Variants in KIF17 observed in about 807,000 individuals in gnomAD.
KIF17 encodes the protein kinesin-like protein KIF17.
In KIF17, 80 loss-of-function variants were observed where a neutral mutation model predicts 96.8. That is an observed-to-expected ratio of 0.83 (90% CI 0.69 to 1.00). The LOEUF is 1.00. Among genes scored for constraint, KIF17 ranks in the 50% least tolerant of loss-of-function variants. The pLI is 0.00. For missense variants in KIF17, 1,280 were observed against 1,372.9 expected, an observed-to-expected ratio of 0.93 and a Z score of 1.07; for synonymous variants, 567 against 587.5, an observed-to-expected ratio of 0.97 and a Z score of 0.51.
intron 2 of KIF17, among the ~76,000 whole-genome samples, chr1:20,714,689 C>T (rs898669489): frequency 1.3e-5 from 2 of 148,168 alleles, no homozygotes; most frequent in South Asian, 2.1e-4. Flanking sequence ...CCCAGCTACT[C>T]GGGAAGCTGA....
intron 5 of KIF17, among the ~76,000 whole-genome samples, chr1:20,703,880 G>A (rs1205966906): frequency 2.6e-5 from 4 of 151,710 alleles, no homozygotes; most frequent in South Asian, 2.1e-4. Context: ...GCAATGAGCC[G>A]AGATCATGCC....
At chr1:20,713,675 G>A (rs989026113) in intron 2 of KIF17, 120 bp from the exon 3 acceptor site, 21 of 764,354 alleles carry the variant, frequency 2.7e-5, no homozygotes, top group South Asian at 1.2e-4. Flanking sequence ...AAGGGACATC[G>A]GGGCAAGAGG....
chr1:20,711,835 TACTG>T (rs1323228881), intron 3 of KIF17, among the ~76,000 whole-genome samples: 1 of 152,136 alleles, frequency 6.6e-6, no homozygotes, highest in Non-Finnish European at 1.5e-5. Context: ...CGCCACTCTT[TACTG>T]ACTGTGTGTC....
At position 20,717,100 on chromosome 1, in the gene KIF17, G is replaced by A. The variant is rs368952556; in HGVS notation, c.231+376C>T. On this transcript the variant is annotated intron_variant, in intron 1 of 14. Coordinates refer to ENST00000400463, the MANE Select transcript of KIF17 (RefSeq NM_001122819.3). ...CATGCCTGTGATCCCAGCACTTGGC[G>A]GGCGGATCACTTGAGGTCAGGAGTT... 1.1e-4 allele frequency among the ~76,000 whole-genome samples: 17 copies of A among 152,288 alleles called. No individual in the cohort carries two copies. The South Asian group carries it at 1.7e-3, about 15-fold the overall frequency.
chr1:20,687,658 A>T lies in KIF17; in HGVS notation c.1668T>A (p.Pro556=), dbSNP rs762317411. The change falls in exon 8 of 15, where the codon CCT becomes CCA. Residue 556 remains proline, a synonymous_variant. Transcript: ENST00000400463. The surrounding 1 kb of genome is among the most constrained non-coding windows in gnomAD (Gnocchi z 4.4). The part of the protein sequence containing the change: ...ETSVSEAFPG[P]EEPSNVEVSM... ...AGACCTCCACGTTGGAGGGCTCCTCAGGCCCAGGGAAAGCCTCGGACACAG... is the reference window on the plus strand; with the variant it reads ...AGACCTCCACGTTGGAGGGCTCCTCTGGCCCAGGGAAAGCCTCGGACACAG... The T allele has an allele frequency of 1.4e-5, 23 of 1,614,192 alleles. No homozygotes were observed. In the South Asian group the frequency reaches 2.5e-4, roughly 18 times the overall value.
At chr1:20,665,557 C>A (rs1223239270) in intron 14 of KIF17, among the ~76,000 whole-genome samples, 1 of 151,858 alleles carries the variant, frequency 6.6e-6, no homozygotes, top group African/African-American at 2.4e-5. Flanking sequence ...ACGCCACTAC[C>A]GCCCGGCTAA....
Position 20,685,129 on chromosome 1 carries a change from C to CAACA in KIF17, c.2020-110_2020-109insTGTT. Reference sequence around the variant, plus strand: ...GGGGCCATTCCGCCTGCTGCAGCCCCGACAGATCACCTCCAGCTCAGGGAC... The same window carrying CAACA: ...GGGGCCATTCCGCCTGCTGCAGCCCCAACAGACAGATCACCTCCAGCTCAGGGAC... On this transcript the variant is annotated intron_variant, in intron 9 of 14. Coordinates refer to ENST00000400463, the MANE Select transcript of KIF17 (RefSeq NM_001122819.3). The surrounding 1 kb of genome is among the most constrained non-coding windows in gnomAD (Gnocchi z 4.1). 1 of 822,794 alleles carries CAACA rather than the reference C, an allele frequency of 1.2e-6. No homozygotes were observed. Among genetic ancestry groups the CAACA allele is most frequent in the Non-Finnish European group, 2.1e-6 (1 of 482,338 alleles). 51.0% of individuals were successfully genotyped at this position (822,794 alleles called of 1,614,324 possible).
At chr1:20,713,330 AGT>A in intron 3 of KIF17, 122 bp downstream of exon 3, 2 of 644,996 alleles carry the variant, frequency 3.1e-6, no homozygotes, top group South Asian at 2.0e-5. Flanking sequence ...AAAAAAAAAA[AGT>A]CCCGACTCTA....
At chr1:20,671,726 G>A (rs2053650856) in intron 12 of KIF17, among the ~76,000 whole-genome samples, 2 of 152,114 alleles carry the variant, frequency 1.3e-5, no homozygotes, top group Admixed American at 6.6e-5. Flanking sequence ...CCCAAAAAGG[G>A]CACACAGGGA....
chr1:20,685,070 C>G lies in KIF17; in HGVS notation c.2020-50G>C. 1 of 1,453,464 alleles carries G rather than the reference C, an allele frequency of 6.9e-7. No homozygotes were observed. The allele number at this position is 1,453,464 out of a possible 1,614,324, so 90.0% of individuals were successfully genotyped here. On this transcript the variant is annotated intron_variant, in intron 9 of 14. Transcript: ENST00000400463. This position sits in a 1 kb window ranked among gnomAD's most constrained non-coding sequence, Gnocchi z 4.1. ...GGAGGTGGGAAGGCCGCCCCAACCC[C>G]CGCCGACAGCTCCCAGGTGGCTCAA...
chr1:20,707,590 G>A (rs1242104443), intron 4 of KIF17, among the ~76,000 whole-genome samples: 2 of 151,894 alleles, frequency 1.3e-5, no homozygotes, highest in African/African-American at 2.4e-5. Flanking sequence ...GGGCAACATG[G>A]CGAGATCCTG....
At chr1:20,695,697 C>T (rs1318031495) in intron 6 of KIF17, among the ~76,000 whole-genome samples, 1 of 152,162 alleles carries the variant, frequency 6.6e-6, no homozygotes, top group Non-Finnish European at 1.5e-5. Context: ...AGCTCCACCT[C>T]CTCTGAACCC....
rs1452715623 is a variant in KIF17, at chr1:20,704,309, C to T, written c.1123+138G>A. ...TGGGCCGTCTCCAACCAGGGCCCTG[C>T]GCTCACATGGGGCTGAGGGGTGGGA... On this transcript the variant is annotated intron_variant, in intron 5 of 14. Coordinates refer to ENST00000400463, the MANE Select transcript of KIF17 (RefSeq NM_001122819.3). The surrounding 1 kb of genome is among the most constrained non-coding windows in gnomAD (Gnocchi z 6.8). 1.9e-5 allele frequency: 14 copies of T among 755,022 alleles called. No homozygotes were observed. Among genetic ancestry groups the T allele is most frequent in the Middle Eastern group, 3.4e-4 (1 of 2,952 alleles). 46.8% of individuals were successfully genotyped at this position (755,022 alleles called of 1,614,324 possible).
At chr1:20,690,648 A>G (rs139993031) in intron 6 of KIF17, among the ~76,000 whole-genome samples, 3,560 of 151,504 alleles carry the variant, frequency 0.023, 134 homozygotes, top group African/African-American at 0.081. Context: ...TCAGCCTCCC[A>G]AATAGCTGGG....
chr1:20,673,240 A>G (rs1557583591), intron 11 of KIF17, among the ~76,000 whole-genome samples: 1 of 151,956 alleles, frequency 6.6e-6, no homozygotes, highest in Non-Finnish European at 1.5e-5. Context: ...TAAATAGATA[A>G]ATAAAAATAA....
rs761071686 is a variant in KIF17, at chr1:20,700,366, C to T, written c.1124-1878G>A. Among the ~76,000 whole-genome samples the T allele has an allele frequency of 3.3e-5, 5 of 152,080 alleles. No homozygotes were observed. The East Asian group carries it at 5.8e-4, about 18-fold the overall frequency. ...GATTACAGGCGTGAACCACTGCGCCCGGCCAGGCTGTAGCCAGTTTTGAAG... is the reference window on the plus strand; with the variant it reads ...GATTACAGGCGTGAACCACTGCGCCTGGCCAGGCTGTAGCCAGTTTTGAAG... On this transcript the variant is annotated intron_variant, in intron 5 of 14. Coordinates refer to ENST00000400463, the MANE Select transcript of KIF17 (RefSeq NM_001122819.3). This position sits in a 1 kb window ranked among gnomAD's most constrained non-coding sequence, Gnocchi z 4.6.
At chr1:20,668,101 G>C (rs1318108240) in intron 13 of KIF17, among the ~76,000 whole-genome samples, 4 of 151,978 alleles carry the variant, frequency 2.6e-5, no homozygotes, top group Non-Finnish European at 5.9e-5. Flanking sequence ...ACGAGGTCAG[G>C]AGATTGAGAC....
At position 20,696,138 on chromosome 1, in the gene KIF17, G is replaced by A. The variant is rs115561534; in HGVS notation, c.1233+2241C>T. On this transcript the variant is annotated intron_variant, in intron 6 of 14. Transcript: ENST00000400463. ...AGGATGGACTTGCAGAAGGCTGGACGGACCCTAGGAATCTTCTGGTCCAAA... is the reference window on the plus strand; with the variant it reads ...AGGATGGACTTGCAGAAGGCTGGACAGACCCTAGGAATCTTCTGGTCCAAA... Among the ~76,000 whole-genome samples, 435 of 152,270 alleles carry A rather than the reference G, an allele frequency of 2.9e-3. 3 individuals carry two copies. The highest frequency in any genetic ancestry group is 0.01 in the African/African-American group (417 of 41,544).
intron 3 of KIF17, among the ~76,000 whole-genome samples, chr1:20,711,855 G>T (rs747505256): frequency 1.3e-5 from 2 of 152,144 alleles, no homozygotes; most frequent in African/African-American, 4.8e-5. Flanking sequence ...GTGTCCTTGG[G>T]TTGGTCTTAC....
Sources: allele counts gnomAD v4.1 joint callset (sites outside exome capture counted in the v4.1 genomes callset), GRCh38; gene constraint gnomAD v4.1.1; non-coding constraint Gnocchi (gnomAD v3.1); transcripts MANE v1.5; gene names NCBI Gene and HGNC (gene_info 2026-07-23, HGNC 2026-07-21).